Variants in MICAL2 observed in about 807,000 individuals in gnomAD.
The protein encoded by MICAL2 is [F-actin]-monooxygenase MICAL2.
MICAL2 carries 77 observed loss-of-function variants against 127.3 expected under a neutral mutation model. The observed-to-expected ratio is 0.60, with a 90% CI of 0.50 to 0.73. MICAL2 has a LOEUF of 0.73. MICAL2 is among the 30% of genes least tolerant of loss of function. The pLI is 0.00. For missense variants in MICAL2, 1,351 were observed against 1,434.4 expected (o/e 0.94, Z 0.94); for synonymous variants, 570 against 551.1 (o/e 1.03, Z -0.48).
chr11:12,314,463 TAAGAC>T (rs1201819467), intron 29 of MICAL2, among the ~76,000 whole-genome samples: 1 of 150,584 alleles, frequency 6.6e-6, no homozygotes, highest in Non-Finnish European at 1.5e-5. Flanking sequence ...CTGGATAACC[TAAGAC>T]TTTAGAAAAC....
intron 3 of MICAL2, among the ~76,000 whole-genome samples, chr11:12,168,675 A>G (rs1211489775): frequency 2.0e-5 from 3 of 151,776 alleles, no homozygotes; most frequent in Non-Finnish European, 2.9e-5. Context: ...AAGGAAAAGA[A>G]AAGGTTTCTT....
intron 7 of MICAL2, among the ~76,000 whole-genome samples, chr11:12,215,900 A>T (rs1409495910): frequency 6.6e-6 from 1 of 152,202 alleles, no homozygotes; most frequent in African/African-American, 2.4e-5. Context: ...GTCATTGCTG[A>T]GCTTCTGTGG....
At chr11:12,260,473 T>C (rs556326008) in intron 26 of MICAL2, 7 of 1,121,954 alleles carry the variant, frequency 6.2e-6, no homozygotes, top group Admixed American at 4.7e-5. Flanking sequence ...TTTCTATGAG[T>C]GTCAATTTTT....
chr11:12,128,040 CCT>C (rs1851093944), intron 1 of MICAL2, among the ~76,000 whole-genome samples: 1 of 152,068 alleles, frequency 6.6e-6, no homozygotes, highest in Admixed American at 6.5e-5. Context: ...ACTATCTGTC[CCT>C]CTGTCTGCAT....
At chr11:12,188,273 T>C (rs1858584848) in intron 3 of MICAL2, among the ~76,000 whole-genome samples, 1 of 152,254 alleles carries the variant, frequency 6.6e-6, no homozygotes, top group Non-Finnish European at 1.5e-5. Flanking sequence ...TGAAATTAAC[T>C]TCCTATTTCT....
intron 3 of MICAL2, among the ~76,000 whole-genome samples, chr11:12,200,344 G>A (rs1467465131): frequency 1.3e-5 from 2 of 152,146 alleles, no homozygotes; most frequent in African/African-American, 4.8e-5. Flanking sequence ...GAGCTCCTTC[G>A]GGTCGAGTTA....
At chr11:12,166,347 C>T (rs1197094614) in intron 3 of MICAL2, among the ~76,000 whole-genome samples, 1 of 152,134 alleles carries the variant, frequency 6.6e-6, no homozygotes, top group Non-Finnish European at 1.5e-5. Flanking sequence ...TTTCCAGTGC[C>T]CTACACCTTA....
In MICAL2 at chr11:12,215,544, G is replaced by A. The variant is rs1005325143; in HGVS notation, c.848-675G>A. Among the ~76,000 whole-genome samples the A allele has an allele frequency of 2.0e-5, 3 of 152,226 alleles. No homozygotes were observed. The East Asian group carries it at 5.8e-4, about 29-fold the overall frequency. ...GTCTGAAGAAGGGCCCTGATAATTT[G>A]CATTGCTAGTATGTCCTCAGGTGAT... On this transcript the variant is annotated intron_variant, in intron 7 of 27. Coordinates refer to ENST00000683283, the MANE Select transcript of MICAL2 (RefSeq NM_001282663.2).
upstream of MICAL2, among the ~76,000 whole-genome samples, chr11:12,273,680 G>A (rs1317749651): frequency 6.6e-6 from 1 of 152,106 alleles, no homozygotes; most frequent in African/African-American, 2.4e-5. Context: ...GAACACATGG[G>A]TAAAAAGATG....
chr11:12,276,821 T>C (rs905295839), intron 1 of MICAL2: 1 of 152,168 alleles, frequency 6.6e-6, no homozygotes, highest in African/African-American at 2.4e-5. Context: ...TTCCATCACA[T>C]TGGGAGCCAT....
intron 2 of MICAL2, among the ~76,000 whole-genome samples, chr11:12,139,893 C>A (rs1042583123): frequency 1.3e-5 from 2 of 152,178 alleles, no homozygotes; most frequent in African/African-American, 4.8e-5. Flanking sequence ...CTGTTGAACA[C>A]ACGTGCTGTT....
intron 32 of MICAL2, among the ~76,000 whole-genome samples, chr11:12,334,382 A>G (rs1938707141): frequency 6.6e-6 from 1 of 152,120 alleles, no homozygotes; most frequent in South Asian, 2.1e-4. Flanking sequence ...CAAGAAAAAG[A>G]GTCTGTGTAT....
intron 3 of MICAL2, among the ~76,000 whole-genome samples, chr11:12,194,164 T>C (rs946893899): frequency 8.5e-5 from 13 of 152,218 alleles, no homozygotes; most frequent in Admixed American, 2.6e-4. Context: ...TGGAGTTCTC[T>C]GGGCTAGGAA....
intron 30 of MICAL2, among the ~76,000 whole-genome samples, chr11:12,322,356 G>A (rs528827355): frequency 2.6e-4 from 40 of 152,104 alleles, no homozygotes; most frequent in East Asian, 1.4e-3. Context: ...AGAATCCCCC[G>A]TCCAAAAGGT....
chr11:12,311,690 G>A (rs1166689878), intron 29 of MICAL2, among the ~76,000 whole-genome samples: 1 of 152,232 alleles, frequency 6.6e-6, no homozygotes, highest in East Asian at 1.9e-4. Context: ...ACAGGTGTGA[G>A]GCACCATGCC....
At chr11:12,205,127 G>C (rs1295617600) in intron 4 of MICAL2, among the ~76,000 whole-genome samples, 1 of 152,160 alleles carries the variant, frequency 6.6e-6, no homozygotes, top group Non-Finnish European at 1.5e-5. Context: ...AAGGAAAATA[G>C]AGAATGTGGA....
rs1272986523 is a variant in MICAL2, at chr11:12,216,324, G to A, written c.948+5G>A. 2 of 1,611,052 alleles carry A rather than the reference G, an allele frequency of 1.2e-6. No homozygotes were observed. The highest frequency in any genetic ancestry group is 1.7e-6 in the Non-Finnish European group (2 of 1,177,404). ...GACAAAGGTGTCATCATTAACGTAC[G>A]TACCTCTTGGCTGCGATTTCCCGAC... On this transcript the variant is annotated splice_donor_5th_base_variant and intron_variant, in intron 8 of 27. Transcript: ENST00000683283.
chr11:12,119,061 G>T (rs59982436), intron 1 of MICAL2, among the ~76,000 whole-genome samples: 29,722 of 151,990 alleles, frequency 0.2, 4,748 homozygotes, highest in African/African-American at 0.44. Context: ...CCTGTAGGGA[G>T]CCAACCTCCA....
At chr11:12,294,056 C>A, downstream of MICAL2, 1 of 1,614,094 alleles carries the variant, frequency 6.2e-7, no homozygotes, top group Non-Finnish European at 8.5e-7. Context: ...AGCTGGGGAG[C>A]GAATTTCCCA....
Sources: allele counts gnomAD v4.1 joint callset (sites outside exome capture counted in the v4.1 genomes callset), GRCh38; gene constraint gnomAD v4.1.1; transcripts MANE v1.5; gene names NCBI Gene and HGNC (gene_info 2026-07-23, HGNC 2026-07-21).